The following ACAD9 variants were observed in gnomAD, a reference collection of about 807,000 sequenced individuals.
The protein encoded by ACAD9 is complex I assembly factor ACAD9, mitochondrial.
Under a neutral mutation model 70.2 loss-of-function variants are expected in ACAD9, and 53 were observed. The observed-to-expected ratio is 0.75, with a 90% CI of 0.61 to 0.95. ACAD9 has a LOEUF of 0.95. Among genes scored for constraint, ACAD9 ranks in the 40% least tolerant of loss-of-function variants. The pLI, the probability that ACAD9 is intolerant of heterozygous loss-of-function variation, is 0.00. For missense variants in ACAD9, 777 were observed against 802.8 expected, an observed-to-expected ratio of 0.97 and a Z score of 0.39; for synonymous variants, 313 against 312.1, an observed-to-expected ratio of 1.00 and a Z score of -0.03.
intron 11 of ACAD9, among the ~76,000 whole-genome samples, chr3:128,905,745 CAT>C (rs1307343695): frequency 6.6e-6 from 1 of 152,182 alleles, no homozygotes; most frequent in East Asian, 1.9e-4. Context: ...TAGGGCTAAA[CAT>C]GGCAGTATGT....
chr3:128,893,385 C>T (rs1185945768), intron 2 of ACAD9, 170 bp from the exon 3 acceptor site: 3 of 575,668 alleles, frequency 5.2e-6, no homozygotes, highest in Non-Finnish European at 9.2e-6. Context: ...TTCCTGGGCT[C>T]ATTACATAAA....
At chr3:128,891,074 C>T (rs1268573254) in intron 2 of ACAD9, among the ~76,000 whole-genome samples, 4 of 151,952 alleles carry the variant, frequency 2.6e-5, no homozygotes, top group Non-Finnish European at 5.9e-5. Flanking sequence ...GAACTCCTGA[C>T]CTTGTGATCC....
At chr3:128,910,529 G>C (rs1312312350) in intron 16 of ACAD9, among the ~76,000 whole-genome samples, 1 of 152,202 alleles carries the variant, frequency 6.6e-6, no homozygotes, top group East Asian at 1.9e-4. Flanking sequence ...CTGCCTTTCA[G>C]AGGAAACAGG....
At chr3:128,900,184 A>G (rs1459093519) in intron 7 of ACAD9, among the ~76,000 whole-genome samples, 4 of 152,136 alleles carry the variant, frequency 2.6e-5, no homozygotes, top group Non-Finnish European at 4.4e-5. Flanking sequence ...TACCTGCCTC[A>G]GCCTCCCAAA....
At chr3:128,896,948 T>A (rs1245705587) in intron 5 of ACAD9, among the ~76,000 whole-genome samples, 2 of 152,174 alleles carry the variant, frequency 1.3e-5, no homozygotes, top group Non-Finnish European at 2.9e-5. Flanking sequence ...GGGACTCTGA[T>A]GATAAGTCCA....
chr3:128,884,594 T>C (rs1184868179), intron 1 of ACAD9, 59 bp from the exon 2 acceptor site: 7 of 1,279,432 alleles, frequency 5.5e-6, no homozygotes, highest in Non-Finnish European at 2.2e-6. Flanking sequence ...TTAACTGATA[T>C]TTCCGTGATG....
At chr3:128,910,269 A>G in intron 16 of ACAD9, 120 bp downstream of exon 16, 1 of 1,539,504 alleles carries the variant, frequency 6.5e-7, no homozygotes, top group Non-Finnish European at 8.7e-7. Context: ...CAGGTTCACC[A>G]TGCGGTGGCC....
intron 7 of ACAD9, 44 bp downstream of exon 7, chr3:128,899,505 G>A (rs74810954): frequency 6.2e-7 from 1 of 1,600,038 alleles, no homozygotes; most frequent in Non-Finnish European, 8.5e-7. Context: ...GTGTGTAAGG[G>A]GGAGACTGGC....
chr3:128,908,942 C>T (rs757693811), intron 13 of ACAD9, 31 bp from the exon 14 acceptor site: 3 of 1,613,794 alleles, frequency 1.9e-6, no homozygotes, highest in Non-Finnish European at 2.5e-6. Context: ...GCAGCGAGGC[C>T]TCCAGTCACA....
chr3:128,911,172 C>T (rs1241578617), intron 17 of ACAD9, among the ~76,000 whole-genome samples: 3 of 151,472 alleles, frequency 2.0e-5, no homozygotes, highest in African/African-American at 7.3e-5. Context: ...TTCTTCTGCC[C>T]CAGCCTCCCG....
intron 3 of ACAD9, among the ~76,000 whole-genome samples, chr3:128,894,848 T>C (rs537997565): frequency 1.3e-4 from 19 of 151,556 alleles, no homozygotes; most frequent in Admixed American, 9.9e-4. Flanking sequence ...GATTTTTGTT[T>C]ACTTTGTACC....
chr3:128,904,195 T>C (rs1426170989), intron 10 of ACAD9, 63 bp downstream of exon 10: 1 of 1,594,152 alleles, frequency 6.3e-7, no homozygotes. Flanking sequence ...TGTGTTCTTT[T>C]GATGTCTCTG....
At chr3:128,897,515 T>G in intron 5 of ACAD9, 117 bp from the exon 6 acceptor site, 1 of 888,604 alleles carries the variant, frequency 1.1e-6, no homozygotes, top group East Asian at 2.6e-5. Context: ...ATCTGACCCT[T>G]CATTTTAAAA....
chr3:128,885,197 T>C (rs1292094496), intron 2 of ACAD9, among the ~76,000 whole-genome samples: 1 of 152,208 alleles, frequency 6.6e-6, no homozygotes, highest in African/African-American at 2.4e-5. Flanking sequence ...GTTTGGCACC[T>C]GCATGGTGAG....
At chr3:128,906,082 G>A (rs767540149) in intron 11 of ACAD9, 39 bp from the exon 12 acceptor site, 1 of 1,613,884 alleles carries the variant, frequency 6.2e-7, no homozygotes, top group Non-Finnish European at 8.5e-7. Flanking sequence ...TGCAGCGTAG[G>A]TCCTCCTTTT....
intron 15 of ACAD9, 122 bp downstream of exon 15, chr3:128,909,543 G>A: frequency 9.4e-7 from 1 of 1,066,166 alleles, no homozygotes; most frequent in Admixed American, 1.9e-5. Flanking sequence ...TGATCACCCT[G>A]GAGGGATGGG....
chr3:128,888,098 A>G (rs147982005), intron 2 of ACAD9, among the ~76,000 whole-genome samples: 62 of 152,302 alleles, frequency 4.1e-4, no homozygotes, highest in African/African-American at 1.3e-3. Flanking sequence ...TGAGTGACTT[A>G]TATGCAAACC....
intron 1 of ACAD9, chr3:128,880,139 G>C: frequency 1.1e-6 from 1 of 884,072 alleles, no homozygotes; most frequent in South Asian, 1.6e-5. Context: ...CTTCATCTCA[G>C]CTGGTCTGGT....
chr3:128,894,860 T>C (rs1319955325), intron 3 of ACAD9, among the ~76,000 whole-genome samples: 1 of 149,752 alleles, frequency 6.7e-6, no homozygotes, highest in Non-Finnish European at 1.5e-5. Flanking sequence ...CTTTGTACCT[T>C]TCTGTATTGT....
Sources: gnomAD v4.1 joint callset for allele counts (sites outside exome capture counted in the v4.1 genomes callset) on GRCh38, gnomAD v4.1.1 for gene constraint, MANE v1.5 for transcripts, NCBI Gene and HGNC (gene_info 2026-07-23, HGNC 2026-07-21) for gene names.